MEOX2: variants seen among roughly 807,000 people sequenced by gnomAD.
The protein encoded by MEOX2 is mesenchyme homeobox 2.
Under a neutral mutation model 27.0 loss-of-function variants are expected in MEOX2, and 11 were observed. That is an observed-to-expected ratio of 0.41 (90% confidence interval 0.26 to 0.68). MEOX2 has a LOEUF of 0.68. MEOX2 is among the 30% of genes least tolerant of loss of function. The probability of loss-of-function intolerance (pLI) is 0.33; values close to 1 mark genes in which losing one functional copy is unlikely to be tolerated. For synonymous variants in MEOX2, 189 were observed against 155.4 expected (o/e 1.22, Z -1.61); for missense variants, 436 against 385.4 (o/e 1.13, Z -1.10).
intron 1 of MEOX2, among the ~76,000 whole-genome samples, chr7:15,633,281 C>A (rs1290741527): frequency 6.6e-6 from 1 of 151,858 alleles, no homozygotes; most frequent in Non-Finnish European, 1.5e-5. Flanking sequence ...CCACATGTGT[C>A]CCCCATTCAC....
At chr7:15,660,267 G>A (rs1046965840) in intron 1 of MEOX2, among the ~76,000 whole-genome samples, 1 of 152,202 alleles carries the variant, frequency 6.6e-6, no homozygotes. Flanking sequence ...AGCCCATGGA[G>A]AACACCGGAG....
intron 1 of MEOX2, among the ~76,000 whole-genome samples, chr7:15,684,580 T>C (rs373008230): frequency 2.6e-5 from 4 of 152,336 alleles, no homozygotes; most frequent in South Asian, 2.1e-4. Flanking sequence ...GATATTGCTG[T>C]GAATGGTGAA....
intron 1 of MEOX2, among the ~76,000 whole-genome samples, chr7:15,668,792 G>C (rs528719506): frequency 6.6e-6 from 1 of 152,174 alleles, no homozygotes; most frequent in African/African-American, 2.4e-5. Context: ...TACGTTTTAG[G>C]AGACTTGAAA....
At chr7:15,647,517 T>C (rs1015565517) in intron 1 of MEOX2, among the ~76,000 whole-genome samples, 1 of 152,122 alleles carries the variant, frequency 6.6e-6, no homozygotes, top group Non-Finnish European at 1.5e-5. Flanking sequence ...TATTTCCTTT[T>C]CTTAGCAATC....
At chr7:15,659,716 C>G (rs1311954283) in intron 1 of MEOX2, among the ~76,000 whole-genome samples, 1 of 137,012 alleles carries the variant, frequency 7.3e-6, no homozygotes, top group Non-Finnish European at 1.5e-5. Context: ...GCCGAGATCG[C>G]GTCACTGCAC....
intron 1 of MEOX2, among the ~76,000 whole-genome samples, chr7:15,678,274 A>C (rs1057207058): frequency 6.6e-6 from 1 of 152,232 alleles, no homozygotes; most frequent in Non-Finnish European, 1.5e-5. Context: ...TTTATCTTTG[A>C]ATAATATTAA....
At chr7:15,621,661 T>C (rs1322948550) in intron 2 of MEOX2, among the ~76,000 whole-genome samples, 1 of 152,230 alleles carries the variant, frequency 6.6e-6, no homozygotes, top group African/African-American at 2.4e-5. Context: ...TTGGATATAC[T>C]GATCGGTGAT....
At chr7:15,677,485 G>A (rs1299877354) in intron 1 of MEOX2, 2 of 152,134 alleles carry the variant, frequency 1.3e-5, no homozygotes, top group East Asian at 1.9e-4. Flanking sequence ...CTAACCCTCC[G>A]GGGTTCTGGC....
At chr7:15,622,512 T>C (rs1439673990) in intron 2 of MEOX2, among the ~76,000 whole-genome samples, 1 of 152,154 alleles carries the variant, frequency 6.6e-6, no homozygotes, top group Non-Finnish European at 1.5e-5. Flanking sequence ...AGATGTAATA[T>C]TCCTTGGTGT....
At chr7:15,664,795 GT>G (rs1781973217) in intron 1 of MEOX2, among the ~76,000 whole-genome samples, 2 of 152,002 alleles carry the variant, frequency 1.3e-5, no homozygotes, top group African/African-American at 4.8e-5. Flanking sequence ...AAATGTCAAG[GT>G]TTGAGATTTG....
Position 15,626,915 on chromosome 7 carries a change from G to C in MEOX2, c.521C>G (p.Ser174Cys). ...TTCTGACTTGTAATTTCCTTCCTGG[G>C]AGTCTGAAAAAAAAGGGAGACAGAA... ...GGKRKSDSSD[S>C]QEGNYKSEVN... is the part of the protein sequence containing the mutation. Residue 174 changes from serine to cysteine, a missense_variant, in exon 2 of 3, where the codon TCC becomes TGC. Coordinates refer to ENST00000262041, the MANE Select transcript of MEOX2 (RefSeq NM_005924.5). 2 of 1,608,788 alleles carry C rather than the reference G, an allele frequency of 1.2e-6. No homozygotes were observed. Among genetic ancestry groups the C allele is most frequent in the Non-Finnish European group, 1.7e-6 (2 of 1,178,038 alleles).
intron 1 of MEOX2, among the ~76,000 whole-genome samples, chr7:15,654,518 T>C (rs80321577): frequency 0.025 from 3,816 of 151,934 alleles, 162 homozygotes; most frequent in African/African-American, 0.087. Context: ...TCATCATTAG[T>C]ATGTTAATTG....
intron 1 of MEOX2, among the ~76,000 whole-genome samples, chr7:15,671,710 T>C (rs1387785558): frequency 2.0e-5 from 3 of 152,150 alleles, no homozygotes; most frequent in Non-Finnish European, 2.9e-5. Flanking sequence ...TTTAAATCAG[T>C]ATCATTGTAT....
Position 15,615,862 on chromosome 7 carries a change from A to T in MEOX2, c.691-3251T>A, listed in dbSNP as rs1781116218. Among the ~76,000 whole-genome samples, 4 of 152,172 alleles carry T rather than the reference A, an allele frequency of 2.6e-5. No homozygotes were observed. In the South Asian group the frequency reaches 8.3e-4, roughly 32 times the overall value. On this transcript the variant is annotated intron_variant, in intron 2 of 2. Coordinates refer to ENST00000262041, the MANE Select transcript of MEOX2 (RefSeq NM_005924.5). ...ATAATCCTGGCAGAAAAAGAGGAGA[A>T]ATATACTTTTAAAAATCCACATATA...
In MEOX2 at chr7:15,631,933, G is replaced by GTGTGT. The variant is rs66500166; in HGVS notation, c.518-5016_518-5015insACACA. 5.9e-4 allele frequency among the ~76,000 whole-genome samples: 19 copies of GTGTGT among 32,426 alleles called. 1 individual carries two copies. The highest frequency in any genetic ancestry group is 9.9e-4 in the African/African-American group (17 of 17,168). The allele number at this position is 32,426 out of a possible 152,430, so 21.3% of individuals were successfully genotyped here. A position where few individuals can be genotyped will look rare whatever the true frequency, so the allele number is the denominator to read the frequency against. On this transcript the variant is annotated intron_variant, in intron 1 of 2. Transcript: ENST00000262041. ...GTGTGTGTGTGTGTGTGTGTGTGTGGAGAGAAAGAGAGAGAGAGAGGAGAA... is the reference window on the plus strand; with the variant it reads ...GTGTGTGTGTGTGTGTGTGTGTGTGGTGTGTAGAGAAAGAGAGAGAGAGAGGAGAA...
intron 1 of MEOX2, among the ~76,000 whole-genome samples, chr7:15,669,301 A>T (rs575686787): frequency 6.6e-6 from 1 of 152,340 alleles, no homozygotes; most frequent in South Asian, 2.1e-4. Context: ...TTGCCTGGGC[A>T]CTTATTTATA....
intron 1 of MEOX2, among the ~76,000 whole-genome samples, chr7:15,641,397 GTTGGT>G (rs1388161178): frequency 6.6e-6 from 1 of 151,996 alleles, no homozygotes; most frequent in Non-Finnish European, 1.5e-5. Flanking sequence ...TTTAACTGTT[GTTGGT>G]TTGAAGTCTG....
At chr7:15,636,770 A>C (rs1583756030) in intron 1 of MEOX2, among the ~76,000 whole-genome samples, 1 of 152,194 alleles carries the variant, frequency 6.6e-6, no homozygotes, top group Non-Finnish European at 1.5e-5. Flanking sequence ...TATTTCCTAC[A>C]ATCCTAGAGG....
At chr7:15,657,128 C>T (rs1020681667) in intron 1 of MEOX2, among the ~76,000 whole-genome samples, 2 of 151,936 alleles carry the variant, frequency 1.3e-5, no homozygotes, top group African/African-American at 4.8e-5. Flanking sequence ...TTTTCTTTGT[C>T]TTTAGTTTTC....
Sources: gnomAD v4.1 joint callset for allele counts (sites outside exome capture counted in the v4.1 genomes callset) on GRCh38, gnomAD v4.1.1 for gene constraint, MANE v1.5 for transcripts, NCBI Gene and HGNC (gene_info 2026-07-23, HGNC 2026-07-21) for gene names.